AHCYL2: variants seen among roughly 807,000 people sequenced by gnomAD.
The protein encoded by AHCYL2 is S-adenosylhomocysteine hydrolase-like protein 2.
A neutral mutation model predicts 81.4 loss-of-function variants in AHCYL2; 28 were observed. That is an observed-to-expected ratio of 0.34 (90% CI 0.25 to 0.47). The LOEUF (loss-of-function observed/expected upper bound fraction) is 0.47. Ranked by LOEUF, AHCYL2 falls within the 20% of genes least tolerant of loss-of-function variation. The pLI is 1.00. For synonymous variants in AHCYL2, 272 were observed against 290.2 expected, an observed-to-expected ratio of 0.94 and a Z score of 0.64; for missense variants, 551 against 785.1, an observed-to-expected ratio of 0.70 and a Z score of 3.56.
chr7:129,382,206 A>G (rs1045992484), intron 2 of AHCYL2, among the ~76,000 whole-genome samples: 1 of 152,266 alleles, frequency 6.6e-6, no homozygotes, highest in African/African-American at 2.4e-5. Context: ...TGAAAAGCCA[A>G]AAGTAATGGA....
intron 1 of AHCYL2, among the ~76,000 whole-genome samples, chr7:129,268,261 A>G (rs1168613812): frequency 6.6e-6 from 1 of 152,218 alleles, no homozygotes; most frequent in Non-Finnish European, 1.5e-5. Flanking sequence ...GCTTTGTGAC[A>G]TAACCAGGTT....
intron 1 of AHCYL2, among the ~76,000 whole-genome samples, chr7:129,288,752 T>C (rs1351256531): frequency 6.6e-6 from 1 of 152,090 alleles, no homozygotes; most frequent in Non-Finnish European, 1.5e-5. Context: ...GTCTTTTTTG[T>C]TTTAAAATTT....
chr7:129,368,494 T>C lies in AHCYL2; in HGVS notation c.364-11144T>C, dbSNP rs780245978. The C allele has an allele frequency of 1.9e-6, 3 of 1,614,028 alleles. No homozygotes were observed. In the South Asian group the frequency reaches 3.3e-5, roughly 18 times the overall value. On this transcript the variant is annotated intron_variant, in intron 1 of 16. Coordinates refer to ENST00000325006, the MANE Select transcript of AHCYL2 (RefSeq NM_015328.4). The surrounding 1 kb of genome is among the most constrained non-coding windows in gnomAD (Gnocchi z 4.4). ...GGACATATCTTACCCAAGCCTGCAC[T>C]ATGGAGAAGTGGGACGGTAATGAGG...
At chr7:129,331,625 CGAGCTCAG>C (rs1477439085) in intron 1 of AHCYL2, among the ~76,000 whole-genome samples, 2 of 151,970 alleles carry the variant, frequency 1.3e-5, no homozygotes, top group Non-Finnish European at 2.9e-5. Flanking sequence ...GGGCAGATCA[CGAGCTCAG>C]GAGTTCAAGA....
chr7:129,344,000 G>C (rs1350133041), intron 1 of AHCYL2, among the ~76,000 whole-genome samples: 1 of 152,112 alleles, frequency 6.6e-6, no homozygotes, highest in Non-Finnish European at 1.5e-5. Context: ...ACATAGCACA[G>C]TACATACTAT....
chr7:129,366,600 G>A (rs996987291), intron 1 of AHCYL2, among the ~76,000 whole-genome samples: 2 of 152,190 alleles, frequency 1.3e-5, no homozygotes, highest in South Asian at 4.2e-4. Context: ...TCAACATGGC[G>A]AAACCCTGTC....
chr7:129,413,144 C>CTTTT (rs35091143), intron 11 of AHCYL2, among the ~76,000 whole-genome samples: 3 of 135,890 alleles, frequency 2.2e-5, no homozygotes, highest in African/African-American at 5.5e-5. Flanking sequence ...GCCTGGCCTG[C>CTTTT]TTTTTTTTTT....
chr7:129,236,020 C>CT (rs947797821), intron 1 of AHCYL2, among the ~76,000 whole-genome samples: 3,096 of 129,542 alleles, frequency 0.024, 51 homozygotes, highest in Middle Eastern at 0.034. Flanking sequence ...CAAAGATAGC[C>CT]TTTTTTTTTT....
In AHCYL2 at chr7:129,225,282, C is replaced by T. The variant is rs980373626; in HGVS notation, c.206C>T (p.Pro69Leu). Residue 69 changes from proline to leucine, a missense_variant, in exon 1 of 17, where the codon CCC becomes CTC. By Grantham distance (98) the Pro-to-Leu change is moderately conservative. This residue lies in a region of AHCYL2 where 235 missense variants were observed against 242.1 expected (regional missense o/e 0.97). Coordinates refer to ENST00000325006, the MANE Select transcript of AHCYL2 (RefSeq NM_015328.4). Reference sequence around the variant, plus strand: ...CCGGTCCCCGGCCCGGGCTCGGGGCCCGCCGCCGCTCTCAGCCCCGCCGCC... The same window carrying T: ...CCGGTCCCCGGCCCGGGCTCGGGGCTCGCCGCCGCTCTCAGCCCCGCCGCC... ...RPPVPGPGSG[P>L]AAALSPAAGK... 2 of 1,457,160 alleles carry T rather than the reference C, an allele frequency of 1.4e-6. No homozygotes were observed. Among genetic ancestry groups the T allele is most frequent in the African/African-American group, 3.0e-5 (2 of 67,434 alleles). 90.3% of individuals were successfully genotyped at this position (1,457,160 alleles called of 1,614,324 possible).
At chr7:129,400,065 C>T (rs1269127304) in intron 5 of AHCYL2, among the ~76,000 whole-genome samples, 1 of 152,076 alleles carries the variant, frequency 6.6e-6, no homozygotes, top group Non-Finnish European at 1.5e-5. Context: ...TACTTTTGTC[C>T]ATTCTGCTTG....
intron 1 of AHCYL2, among the ~76,000 whole-genome samples, chr7:129,302,823 T>G (rs1476061924): frequency 1.3e-5 from 2 of 152,194 alleles, no homozygotes; most frequent in African/African-American, 4.8e-5. Flanking sequence ...CTTTTTTTGG[T>G]GTGTCTTTTT....
intron 1 of AHCYL2, chr7:129,375,939 T>C (rs1310309469): frequency 6.5e-7 from 1 of 1,535,984 alleles, no homozygotes; most frequent in Non-Finnish European, 8.7e-7. Flanking sequence ...GAGGCTAAGC[T>C]CTTATTTACC....
At chr7:129,357,810 T>G (rs1300687147) in intron 1 of AHCYL2, among the ~76,000 whole-genome samples, 2 of 151,516 alleles carry the variant, frequency 1.3e-5, no homozygotes, top group East Asian at 3.9e-4. Flanking sequence ...GGCGGGCGCC[T>G]GTAGTCCCAG....
chr7:129,235,051 CCAAAA>C (rs1794593007), intron 1 of AHCYL2, among the ~76,000 whole-genome samples: 3 of 152,114 alleles, frequency 2.0e-5, no homozygotes, highest in Admixed American at 2.0e-4. Flanking sequence ...TTCTGTTTAA[CCAAAA>C]CAAAACCCTC....
intron 1 of AHCYL2, among the ~76,000 whole-genome samples, chr7:129,360,477 G>T (rs1793894152): frequency 6.6e-6 from 1 of 152,174 alleles, no homozygotes; most frequent in African/African-American, 2.4e-5. Context: ...TATGTGCTGG[G>T]CACTTGGAAT....
intron 1 of AHCYL2, among the ~76,000 whole-genome samples, chr7:129,286,942 T>C (rs1009091142): frequency 1.3e-5 from 2 of 152,182 alleles, no homozygotes; most frequent in African/African-American, 4.8e-5. Flanking sequence ...CATTTAATAA[T>C]ATTTAAATAT....
At chr7:129,245,112 C>T (rs1475074676) in intron 1 of AHCYL2, among the ~76,000 whole-genome samples, 1 of 151,310 alleles carries the variant, frequency 6.6e-6, no homozygotes, top group Non-Finnish European at 1.5e-5. Context: ...GCAGTCTCCG[C>T]CTCCTGGGCT....
At position 129,419,542 on chromosome 7, in the gene AHCYL2, A is replaced by T. The variant is rs1207448525; in HGVS notation, c.1462-3298A>T. On this transcript the variant is annotated intron_variant, in intron 12 of 16. Transcript: ENST00000325006. This position sits in a 1 kb window ranked among gnomAD's most constrained non-coding sequence, Gnocchi z 4.7. ...GCACTCTAGCCTGGATGACAGAGTG[A>T]GACTCCGTCTCAGAAAAAAGCAGAC... Among the ~76,000 whole-genome samples, 1 of 152,216 alleles carries T rather than the reference A, an allele frequency of 6.6e-6. No individual in the cohort carries two copies. Among genetic ancestry groups the T allele is most frequent in the African/African-American group, 2.4e-5 (1 of 41,444 alleles).
At chr7:129,253,667 A>T (rs1039840522) in intron 1 of AHCYL2, among the ~76,000 whole-genome samples, 2 of 152,128 alleles carry the variant, frequency 1.3e-5, no homozygotes, top group Non-Finnish European at 2.9e-5. Context: ...GTTGGGGTGC[A>T]GTGGTTCAGA....
Sources: gnomAD v4.1 joint callset for allele counts (sites outside exome capture counted in the v4.1 genomes callset) on GRCh38, gnomAD v4.1.1 for gene constraint, gnomAD v4.1.1 regional missense constraint, Gnocchi (gnomAD v3.1) non-coding constraint, MANE v1.5 for transcripts, NCBI Gene and HGNC (gene_info 2026-07-23, HGNC 2026-07-21) for gene names.